Variants in PLEKHH3 observed in about 807,000 individuals in gnomAD.
PLEKHH3 encodes the protein pleckstrin homology domain-containing family H member 3.
In PLEKHH3, 57 loss-of-function variants were observed where a neutral mutation model predicts 77.8. The observed-to-expected ratio is 0.73, with a 90% CI of 0.59 to 0.91. The LOEUF (loss-of-function observed/expected upper bound fraction) is 0.91, where lower values mean the gene tolerates loss of function less well. PLEKHH3 is among the 40% of genes least tolerant of loss of function. PLEKHH3 has a pLI of 0.00. For missense variants in PLEKHH3, 1,082 were observed against 1,091.2 expected (o/e 0.99, Z 0.12); for synonymous variants, 467 against 504.8 (o/e 0.93, Z 1.00).
Position 42,670,651 on chromosome 17 carries a change from T to C in PLEKHH3, c.1476A>G (p.Leu492=), listed in dbSNP as rs138389461. 46 of 1,613,072 alleles carry C rather than the reference T, an allele frequency of 2.9e-5. No homozygotes were observed. Among genetic ancestry groups the C allele is most frequent in the African/African-American group, 4.0e-5 (3 of 74,912 alleles). ...LEDSPDSGWR[L]CLRLHGPLHP... is the part of the protein sequence containing the mutation. ...GCAGAGGTCCGTGAAGACGCAGACA[T>C]AGTCTCCACCCGGAGTCGGGCGAGT... Residue 492 remains leucine, a synonymous_variant, in exon 10 of 13, where the codon CTA becomes CTG. Transcript: ENST00000591022.
In PLEKHH3 at chr17:42,676,454, T is replaced by TCGTCCTCGTCCC; in HGVS notation, c.98_109dup (p.Gly33_Asp36dup). 6.2e-7 allele frequency: 1 copy of TCGTCCTCGTCCC among 1,613,312 alleles called. No individual in the cohort carries two copies. Among genetic ancestry groups the TCGTCCTCGTCCC allele is most frequent in the Non-Finnish European group, 8.5e-7 (1 of 1,179,900 alleles). On this transcript the variant is annotated inframe_insertion, in exon 1 of 13. Transcript: ENST00000591022. This position sits in a 1 kb window ranked among gnomAD's most constrained non-coding sequence, Gnocchi z 6.6. ...CCGCAGCTCAAAGGTTTCCTCGTCC[T>TCGTCCTCGTCCC]CGTCCTCGTCCCCGTCCCCGCTAAG...
chr17:42,674,674 G>A (rs2052783913), intron 1 of PLEKHH3: 3 of 383,118 alleles, frequency 7.8e-6, no homozygotes, highest in East Asian at 3.8e-5. Context: ...GTAGGGTAGG[G>A]TGGAAAGAGC....
At chr17:42,674,305 G>T (rs773320061) in intron 2 of PLEKHH3, 49 bp downstream of exon 2, 2 of 1,519,898 alleles carry the variant, frequency 1.3e-6, no homozygotes, top group East Asian at 4.6e-5. Context: ...TGGGGGTCCC[G>T]GGAACATGCT....
Position 42,670,064 on chromosome 17 carries a change from C to G in PLEKHH3, c.1867G>C (p.Gly623Arg), listed in dbSNP as rs2052652076. 2 of 1,472,588 alleles carry G rather than the reference C, an allele frequency of 1.4e-6. No individual in the cohort carries two copies. The highest frequency in any genetic ancestry group is 1.8e-6 in the Non-Finnish European group (2 of 1,121,136). 91.2% of individuals were successfully genotyped at this position (1,472,588 alleles called of 1,614,324 possible). Residue 623 changes from glycine to arginine, a missense_variant, in exon 11 of 13, where the codon GGC becomes CGC. Physicochemically the swap from Gly to Arg is moderately radical, Grantham distance 125 (BLOSUM62 -2). Around this residue, in one of 3 missense-constraint regions of PLEKHH3, gnomAD observed 733 missense variants for 750.0 expected, o/e 0.98. Transcript: ENST00000591022. ...AGSIAREGGG[G>R]AGTAAAVLGG... The stretch of plus-strand genomic sequence containing the variant: ...AGCACGGCAGCTGCCGTGCCGGCGC[C>G]GCCTCCTCCCTCGCGGGCAATGCTT...
chr17:42,671,463 G>T lies in PLEKHH3; in HGVS notation c.1172C>A (p.Ser391Ter). 6.2e-7 allele frequency: 1 copy of T among 1,613,142 alleles called. No individual in the cohort carries two copies. Among genetic ancestry groups the T allele is most frequent in the Non-Finnish European group, 8.5e-7 (1 of 1,180,004 alleles). The change falls in exon 8 of 13, where the codon TCG becomes TAG. Residue 391 changes from serine (S) to a stop codon, truncating the protein, a stop_gained. Coordinates refer to ENST00000591022, the MANE Select transcript of PLEKHH3 (RefSeq NM_024927.5). LOFTEE classifies it high-confidence loss of function. The surrounding 1 kb of genome is among the most constrained non-coding windows in gnomAD (Gnocchi z 4.7). Reference sequence around the variant, plus strand: ...GCTCAACGCGGAAATCTCCGCCAGCGAGGGCACCAGCTCTCTGCCGCGCGT... The same window carrying T: ...GCTCAACGCGGAAATCTCCGCCAGCTAGGGCACCAGCTCTCTGCCGCGCGT... ...GRTRGRELVPSLAEISALSQR... is the reference protein window; with the variant it reads ...GRTRGRELVP
At chr17:42,674,536 T>A in intron 1 of PLEKHH3, 127 bp from the exon 2 acceptor site, 2 of 783,494 alleles carry the variant, frequency 2.6e-6, no homozygotes, top group Non-Finnish European at 3.7e-6. Flanking sequence ...GGGTCGTGAC[T>A]AGGGTGGAGC....
At position 42,673,920 on chromosome 17, in the gene PLEKHH3, A is replaced by AG; in HGVS notation, c.298+13dup. The stretch of plus-strand genomic sequence containing the variant: ...GATTGGGGGCCTCCAGAGTGCACTG[A>AG]GGGGGGTCTCTACCTTTCACAACGA... On this transcript the variant is annotated intron_variant, in intron 3 of 12. Coordinates refer to ENST00000591022, the MANE Select transcript of PLEKHH3 (RefSeq NM_024927.5). 6 of 1,611,942 alleles carry AG rather than the reference A, an allele frequency of 3.7e-6. No homozygotes were observed. Among genetic ancestry groups the AG allele is most frequent in the Non-Finnish European group, 5.1e-6 (6 of 1,179,460 alleles).
At position 42,676,615 on chromosome 17, in the gene PLEKHH3, G is replaced by C. The variant is rs551164172; in HGVS notation, c.-52C>G. 6.6e-7 allele frequency: 1 copy of C among 1,522,078 alleles called. No individual in the cohort carries two copies. The highest frequency in any genetic ancestry group is 2.5e-5 in the East Asian group (1 of 40,766). The allele number at this position is 1,522,078 out of a possible 1,614,324, so 94.3% of individuals were successfully genotyped here. On this transcript the variant is annotated 5_prime_UTR_variant, in exon 1 of 13. Coordinates refer to ENST00000591022, the MANE Select transcript of PLEKHH3 (RefSeq NM_024927.5). This position sits in a 1 kb window ranked among gnomAD's most constrained non-coding sequence, Gnocchi z 6.6. ...GCGGGCAGCCGCGGCCGAGCAGTAGGGGGTCGGAGGAACTGGCGGGGCTCC... is the reference window on the plus strand; with the variant it reads ...GCGGGCAGCCGCGGCCGAGCAGTAGCGGGTCGGAGGAACTGGCGGGGCTCC...
At position 42,674,218 on chromosome 17, in the gene PLEKHH3, C is replaced by G. The variant is rs796336260; in HGVS notation, c.218+136G>C. 118 of 1,207,874 alleles carry G rather than the reference C, an allele frequency of 9.8e-5. 2 individuals are homozygous for G. The South Asian group carries it at 1.8e-3, about 18-fold the overall frequency. 74.8% of individuals were successfully genotyped at this position (1,207,874 alleles called of 1,614,324 possible). ...CCGCGCCCCCAGCCGGACCGCCCCC[C>G]GGGACCCCAGCCAAACCACAGCGTC... On this transcript the variant is annotated intron_variant, in intron 2 of 12. Transcript: ENST00000591022.
intron 1 of PLEKHH3, chr17:42,674,810 G>A (rs1388518943): frequency 5.2e-6 from 1 of 193,740 alleles, no homozygotes; most frequent in Non-Finnish European, 1.0e-5. Flanking sequence ...CAGGAGAGGT[G>A]AGCTCGTTCT....
intron 12 of PLEKHH3, chr17:42,668,895 A>T (rs890752569): frequency 6.7e-6 from 1 of 148,980 alleles, no homozygotes; most frequent in African/African-American, 2.5e-5. Flanking sequence ...GCTCACTGCA[A>T]CCTCCGCCTG....
Position 42,670,184 on chromosome 17 carries a change from A to G in PLEKHH3, c.1747T>C (p.Ser583Pro). 1.7e-6 allele frequency: 2 copies of G among 1,204,470 alleles called. No individual in the cohort carries two copies. Among genetic ancestry groups the G allele is most frequent in the Non-Finnish European group, 2.1e-6 (2 of 974,406 alleles). The allele number at this position is 1,204,470 out of a possible 1,614,324, so 74.6% of individuals were successfully genotyped here. Residue 583 changes from serine (S) to proline (P), a missense_variant, in exon 11 of 13, where the codon TCC (serine) becomes CCC (proline). By Grantham distance (74) the Ser-to-Pro change is moderately conservative (BLOSUM62 -1). Coordinates refer to ENST00000591022, the MANE Select transcript of PLEKHH3 (RefSeq NM_024927.5). Reference protein sequence around the residue: ...PPRPTPRPPPSAALLAGALWS... With the variant: ...PPRPTPRPPPPAALLAGALWS... ...AGCGCCCCGGCCAGCAGGGCAGCGG[A>G]AGGGGGCGGCCTGGGGGTCGGGCGG...
In PLEKHH3 at chr17:42,671,827, T is replaced by G. The variant is rs1336113063; in HGVS notation, c.1076+259A>C. ...GGCCTGAAATCGAAATCCAGCCACT[T>G]TACTACATTTTCCTAAGCCCTGGCG... On this transcript the variant is annotated intron_variant, in intron 7 of 12. Coordinates refer to ENST00000591022, the MANE Select transcript of PLEKHH3 (RefSeq NM_024927.5). This position sits in a 1 kb window ranked among gnomAD's most constrained non-coding sequence, Gnocchi z 4.7. Among the ~76,000 whole-genome samples the G allele has an allele frequency of 6.6e-6, 1 of 152,144 alleles. No homozygotes were observed. The highest frequency in any genetic ancestry group is 1.9e-4 in the East Asian group (1 of 5,192).
chr17:42,670,985 G>A lies in PLEKHH3; in HGVS notation c.1421+9C>T. ...CTAATAGAGAGCAGGGCTGGGGCTG[G>A]ACATTTACTTCTCAAACCTGGTGAG... is the stretch of plus-strand genomic sequence containing the variant. On this transcript the variant is annotated intron_variant, in intron 9 of 12. Coordinates refer to ENST00000591022, the MANE Select transcript of PLEKHH3 (RefSeq NM_024927.5). 3 of 1,608,954 alleles carry A rather than the reference G, an allele frequency of 1.9e-6. No homozygotes were observed. The highest frequency in any genetic ancestry group is 2.5e-6 in the Non-Finnish European group (3 of 1,178,716).
At position 42,672,113 on chromosome 17, in the gene PLEKHH3, C is replaced by T; in HGVS notation, c.1049G>A (p.Arg350Gln). ...SCTFRPGGAVRGHLLGHLERT... is the reference protein window; with the variant it reads ...SCTFRPGGAVQGHLLGHLERT... ...CTCCAAGTGCCCCAGGAGGTGCCCC[C>T]GCACAGCTCCCCCAGGTCGGAAGGT... The change falls in exon 7 of 13, where the codon CGG becomes CAG. Residue 350 changes from arginine (R) to glutamine (Q), a missense_variant. By Grantham distance (43) the Arg-to-Gln change is conservative. Around this residue, in one of 3 missense-constraint regions of PLEKHH3, gnomAD observed 733 missense variants for 750.0 expected, o/e 0.98. Coordinates refer to ENST00000591022, the MANE Select transcript of PLEKHH3 (RefSeq NM_024927.5). 6.6e-7 allele frequency: 1 copy of T among 1,513,296 alleles called. No individual in the cohort carries two copies. The highest frequency in any genetic ancestry group is 8.9e-7 in the Non-Finnish European group (1 of 1,124,350). 93.7% of individuals were successfully genotyped at this position (1,513,296 alleles called of 1,614,324 possible). A position where few individuals can be genotyped will look rare whatever the true frequency, so the allele number is the denominator to read the frequency against.
chr17:42,670,689 C>T lies in PLEKHH3; in HGVS notation c.1438G>A (p.Ala480Thr). 6.2e-7 allele frequency: 1 copy of T among 1,612,592 alleles called. No individual in the cohort carries two copies. The change falls in exon 10 of 13, where the codon GCT becomes ACT. Residue 480 changes from alanine to threonine, a missense_variant. Around this residue, in one of 3 missense-constraint regions of PLEKHH3, gnomAD observed 733 missense variants for 750.0 expected, o/e 0.98. Transcript: ENST00000591022. ...GAGTCGGGCGAGTCCTCCAACCCAG[C>T]TTCCTCCGCGGCCAAGCTGCAGAAG... The part of the protein sequence containing the change: ...TRFENLAAEE[A>T]GLEDSPDSGW...
In PLEKHH3 at chr17:42,670,271, C is replaced by G. The variant is rs763378432; in HGVS notation, c.1660G>C (p.Val554Leu). The G allele has an allele frequency of 3.0e-4, 389 of 1,295,388 alleles. 6 individuals are homozygous for G. In the South Asian group the frequency reaches 8.3e-3, roughly 28 times the overall value. 80.2% of individuals were successfully genotyped at this position (1,295,388 alleles called of 1,614,324 possible). A position where few individuals can be genotyped will look rare whatever the true frequency, so the allele number is the denominator to read the frequency against. ...QSLQRDFSPR[V>L]PLPRLDRLLP... ...AGGCGGTCCAGGCGGGGCAGGGGCA[C>G]CCGCGGAGAGAAGTCCCGCTGCAGG... Residue 554 changes from valine (V) to leucine (L), a missense_variant, in exon 11 of 13, where the codon GTG (valine) becomes CTG (leucine). Transcript: ENST00000591022.
chr17:42,671,146 G>A lies in PLEKHH3; in HGVS notation c.1285-16C>T. On this transcript the variant is annotated splice_polypyrimidine_tract_variant and intron_variant, in intron 8 of 12. Coordinates refer to ENST00000591022, the MANE Select transcript of PLEKHH3 (RefSeq NM_024927.5). The surrounding 1 kb of genome is among the most constrained non-coding windows in gnomAD (Gnocchi z 4.7). ...CTCGAGCCACCTAGAAGAGGAGGGTGAGGGGAGACCACTCAGAGGTCTTGC... is the reference window on the plus strand; with the variant it reads ...CTCGAGCCACCTAGAAGAGGAGGGTAAGGGGAGACCACTCAGAGGTCTTGC... 6.4e-7 allele frequency: 1 copy of A among 1,561,902 alleles called. No homozygotes were observed. Among genetic ancestry groups the A allele is most frequent in the Non-Finnish European group, 8.7e-7 (1 of 1,154,604 alleles).
chr17:42,674,138 C>T, intron 2 of PLEKHH3, 125 bp from the exon 3 acceptor site: 1 of 1,155,070 alleles, frequency 8.7e-7, no homozygotes, highest in Non-Finnish European at 1.2e-6. Flanking sequence ...GCTGTGGGAA[C>T]CGCTGGGCCA....
Sources: gnomAD v4.1 joint callset for allele counts (sites outside exome capture counted in the v4.1 genomes callset) on GRCh38, gnomAD v4.1.1 for gene constraint, gnomAD v4.1.1 regional missense constraint, Gnocchi (gnomAD v3.1) non-coding constraint, MANE v1.5 for transcripts, NCBI Gene and HGNC (gene_info 2026-07-23, HGNC 2026-07-21) for gene names.